PDZRN4: variants seen among roughly 807,000 people sequenced by gnomAD.
PDZRN4 encodes PDZ domain-containing RING finger protein 4.
Under a neutral mutation model 99.0 loss-of-function variants are expected in PDZRN4, and 70 were observed. The observed-to-expected ratio is 0.71, with a 90% confidence interval of 0.58 to 0.86. PDZRN4 has a LOEUF of 0.86. PDZRN4 is among the 40% of genes least tolerant of loss of function. The pLI, the probability that PDZRN4 is intolerant of heterozygous loss-of-function variation, is 0.00. For synonymous variants in PDZRN4, 551 were observed against 501.6 expected (o/e 1.10, Z -1.32); for missense variants, 1,474 against 1,331.2 (o/e 1.11, Z -1.67).
chr12:41,553,886 T>A (rs1296609864), intron 6 of PDZRN4, among the ~76,000 whole-genome samples: 5 of 151,588 alleles, frequency 3.3e-5, no homozygotes, highest in Non-Finnish European at 7.4e-5. Flanking sequence ...TACCTAAATA[T>A]ACTGAGCTTC....
chr12:41,538,578 A>G (rs558309726), intron 5 of PDZRN4, among the ~76,000 whole-genome samples: 72 of 152,328 alleles, frequency 4.7e-4, no homozygotes, highest in Non-Finnish European at 8.7e-4. Flanking sequence ...AAATGATCAG[A>G]TTAATCCATT....
intron 3 of PDZRN4, among the ~76,000 whole-genome samples, chr12:41,282,905 C>T (rs531575734): frequency 6.6e-6 from 1 of 152,242 alleles, no homozygotes; most frequent in African/African-American, 2.4e-5. Context: ...GCACTAAATG[C>T]CCACAGGAGA....
Position 41,573,635 on chromosome 12 carries a change from G to A in PDZRN4, c.2856G>A (p.Arg952=). The part of the protein sequence containing the change: ...SKEERKQHLV[R]AKEQRRRREF... ...AGGAGAGAAAGCAGCACCTGGTTAG[G>A]GCCAAAGAGCAGCGCCGTCGCCGTG... Residue 952 remains arginine, a synonymous_variant, in exon 10 of 10, where the codon AGG becomes AGA. Coordinates refer to ENST00000402685, the MANE Select transcript of PDZRN4 (RefSeq NM_001164595.2). The A allele has an allele frequency of 6.2e-7, 1 of 1,614,058 alleles. No individual in the cohort carries two copies. Among genetic ancestry groups the A allele is most frequent in the Non-Finnish European group, 8.5e-7 (1 of 1,179,990 alleles).
chr12:41,477,640 T>C (rs1195626744), intron 3 of PDZRN4, among the ~76,000 whole-genome samples: 3 of 151,616 alleles, frequency 2.0e-5, no homozygotes, highest in Non-Finnish European at 4.4e-5. Context: ...CACAAAAACA[T>C]AAGCCTTTTT....
At chr12:41,438,075 T>C in intron 3 of PDZRN4, 2 of 1,555,678 alleles carry the variant, frequency 1.3e-6, no homozygotes, top group Middle Eastern at 1.7e-4. Flanking sequence ...TGAAAGACGG[T>C]AAATGAATTC....
chr12:41,491,727 T>C (rs946066795), intron 3 of PDZRN4, among the ~76,000 whole-genome samples: 3 of 151,988 alleles, frequency 2.0e-5, no homozygotes, highest in Non-Finnish European at 4.4e-5. Context: ...TTAATAGTTT[T>C]ATTGTCATTG....
At chr12:41,240,785 G>A (rs1035504930) in intron 3 of PDZRN4, among the ~76,000 whole-genome samples, 1 of 152,108 alleles carries the variant, frequency 6.6e-6, no homozygotes, top group African/African-American at 2.4e-5. Context: ...TTTGATATAA[G>A]CGCACTAATC....
At chr12:41,432,036 G>A (rs552295313) in intron 3 of PDZRN4, among the ~76,000 whole-genome samples, 1 of 152,292 alleles carries the variant, frequency 6.6e-6, no homozygotes, top group South Asian at 2.1e-4. Context: ...CTCAGAGATA[G>A]AGTGAAAATT....
In PDZRN4 at chr12:41,191,512, G is replaced by A; in HGVS notation, c.703G>A (p.Gly235Arg). Reference protein sequence around the residue: ...IVLERENDTLGFNIIGGRPNQ... With the variant: ...IVLERENDTLRFNIIGGRPNQ... ...GTTAGAAAGAGAAAATGACACTTTG[G>A]GATTCAATATTATAGGAGGTCGACC... The change falls in exon 2 of 10, where the codon GGA becomes AGA. Residue 235 changes from glycine to arginine, a missense_variant. By Grantham distance (125) the Gly-to-Arg change is moderately radical. Coordinates refer to ENST00000402685, the MANE Select transcript of PDZRN4 (RefSeq NM_001164595.2). The A allele has an allele frequency of 1.9e-6, 3 of 1,571,300 alleles. No individual in the cohort carries two copies. Among genetic ancestry groups the A allele is most frequent in the Non-Finnish European group, 2.6e-6 (3 of 1,155,156 alleles).
chr12:41,361,186 G>A (rs377189981), intron 3 of PDZRN4, among the ~76,000 whole-genome samples: 60 of 152,080 alleles, frequency 3.9e-4, no homozygotes, highest in South Asian at 3.1e-3. Context: ...AAGAATAATC[G>A]CTCAGTAGAG....
At chr12:41,218,077 T>C (rs780661094) in intron 3 of PDZRN4, among the ~76,000 whole-genome samples, 7 of 152,156 alleles carry the variant, frequency 4.6e-5, no homozygotes, top group Non-Finnish European at 8.8e-5. Context: ...CAAGTCTTTC[T>C]ACCATTCAGG....
intron 5 of PDZRN4, among the ~76,000 whole-genome samples, chr12:41,542,202 G>A (rs988334894): frequency 2.0e-5 from 3 of 152,228 alleles, no homozygotes; most frequent in Non-Finnish European, 2.9e-5. Flanking sequence ...TCAAAGGAAA[G>A]ACAGTTTACA....
At chr12:41,242,285 G>T (rs1014017091) in intron 3 of PDZRN4, among the ~76,000 whole-genome samples, 1 of 152,176 alleles carries the variant, frequency 6.6e-6, no homozygotes, top group African/African-American at 2.4e-5. Flanking sequence ...CAAAACAGTT[G>T]ATTGATATGC....
At chr12:41,437,473 C>A (rs1411495318) in intron 3 of PDZRN4, among the ~76,000 whole-genome samples, 2 of 151,866 alleles carry the variant, frequency 1.3e-5, no homozygotes, top group Non-Finnish European at 2.9e-5. Context: ...TATATGCAAC[C>A]CCTCTATCCT....
chr12:41,569,628 G>A (rs1160896590), intron 9 of PDZRN4, among the ~76,000 whole-genome samples: 2 of 152,176 alleles, frequency 1.3e-5, no homozygotes, highest in African/African-American at 4.8e-5. Context: ...GAAACTTGCA[G>A]CACAAACATT....
chr12:41,382,242 C>A (rs1011069681), intron 3 of PDZRN4, among the ~76,000 whole-genome samples: 1 of 152,132 alleles, frequency 6.6e-6, no homozygotes, highest in Non-Finnish European at 1.5e-5. Context: ...GCTACATTTT[C>A]AGGAATGGGC....
intron 3 of PDZRN4, chr12:41,412,120 T>C (rs566174389): frequency 6.6e-6 from 1 of 152,214 alleles, no homozygotes; most frequent in Non-Finnish European, 1.5e-5. Flanking sequence ...ATAATTCCCG[T>C]AGATTTTTCC....
intron 3 of PDZRN4, among the ~76,000 whole-genome samples, chr12:41,392,655 T>C (rs1952217791): frequency 6.6e-6 from 1 of 152,190 alleles, no homozygotes; most frequent in Admixed American, 6.5e-5. Context: ...CTATCACCTA[T>C]TGAATCCTAT....
At chr12:41,430,006 T>C (rs1157519620) in intron 3 of PDZRN4, among the ~76,000 whole-genome samples, 4 of 152,112 alleles carry the variant, frequency 2.6e-5, no homozygotes, top group African/African-American at 9.7e-5. Flanking sequence ...GGCCTCTATA[T>C]GATCAAATAA....
Sources: gnomAD v4.1 joint callset for allele counts (sites outside exome capture counted in the v4.1 genomes callset) on GRCh38, gnomAD v4.1.1 for gene constraint, MANE v1.5 for transcripts, NCBI Gene and HGNC (gene_info 2026-07-23, HGNC 2026-07-21) for gene names.